Variants in ZNRF2 observed in about 807,000 individuals in gnomAD.
ZNRF2 encodes the protein E3 ubiquitin-protein ligase ZNRF2.
In ZNRF2, 16 loss-of-function variants were observed where a neutral mutation model predicts 20.4. The observed-to-expected ratio is 0.79, with a 90% CI of 0.53 to 1.19. ZNRF2 has a LOEUF of 1.19. ZNRF2 is among the 50% of genes most tolerant of loss of function. The pLI is 0.00. For missense variants in ZNRF2, 363 were observed against 332.4 expected (o/e 1.09, Z -0.72); for synonymous variants, 178 against 144.9 (o/e 1.23, Z -1.64).
rs557172105 is a variant in ZNRF2 at position 30,284,699 on chromosome 7, C to T, written c.-659C>T. ...ATCTGCGCACCCCCCGCCTTCGCGG[C>T]CCAGATCCTCCCGCCAGCCCGGCCC... On this transcript the variant is annotated 5_prime_UTR_variant, in exon 1 of 5. Transcript: ENST00000323037. 5.5e-4 allele frequency: 96 copies of T among 174,436 alleles called. 1 individual carries two copies. Among genetic ancestry groups the T allele is most frequent in the African/African-American group, 2.2e-3 (93 of 41,646 alleles). 10.8% of individuals were successfully genotyped at this position (174,436 alleles called of 1,614,324 possible). A position where few individuals can be genotyped will look rare whatever the true frequency, so the allele number is the denominator to read the frequency against.
intron 1 of ZNRF2, among the ~76,000 whole-genome samples, chr7:30,311,908 T>G (rs1390826406): frequency 6.6e-6 from 1 of 152,160 alleles, no homozygotes; most frequent in East Asian, 1.9e-4. Flanking sequence ...TATTTAGCCT[T>G]CCTTGTTACC....
intron 2 of ZNRF2, among the ~76,000 whole-genome samples, chr7:30,354,905 T>C (rs1445304386): frequency 2.0e-5 from 3 of 152,206 alleles, no homozygotes; most frequent in Non-Finnish European, 2.9e-5. Flanking sequence ...AGCAAACTGC[T>C]TTTAAAAATT....
intron 1 of ZNRF2, among the ~76,000 whole-genome samples, chr7:30,290,686 G>T (rs1271231300): frequency 6.6e-6 from 1 of 152,130 alleles, no homozygotes; most frequent in African/African-American, 2.4e-5. Context: ...ATTATACAAA[G>T]GTTTAAACAC....
At chr7:30,337,217 G>T (rs1012765015) in intron 2 of ZNRF2, among the ~76,000 whole-genome samples, 4 of 152,108 alleles carry the variant, frequency 2.6e-5, no homozygotes, top group African/African-American at 9.7e-5. Context: ...ATGTTATAAA[G>T]TATTCATCTC....
intron 1 of ZNRF2, among the ~76,000 whole-genome samples, chr7:30,319,809 A>G (rs1416650294): frequency 6.6e-6 from 1 of 152,168 alleles, no homozygotes; most frequent in Admixed American, 6.5e-5. Flanking sequence ...CAAGAGCAGA[A>G]TGATCTGGTT....
intron 2 of ZNRF2, among the ~76,000 whole-genome samples, chr7:30,329,650 G>T (rs1799606523): frequency 6.6e-6 from 1 of 152,112 alleles, no homozygotes; most frequent in African/African-American, 2.4e-5. Flanking sequence ...TCATTTGCAT[G>T]GCTGAATAAT....
intron 1 of ZNRF2, among the ~76,000 whole-genome samples, chr7:30,309,049 ATAAAT>A (rs1799251826): frequency 6.6e-6 from 1 of 152,166 alleles, no homozygotes. Context: ...TCCTGTATAA[ATAAAT>A]TCATATATAG....
chr7:30,298,783 C>T (rs532220469), intron 1 of ZNRF2, among the ~76,000 whole-genome samples: 6 of 152,276 alleles, frequency 3.9e-5, no homozygotes, highest in Admixed American at 3.9e-4. Flanking sequence ...CTCACAGCTC[C>T]TTACGCAGAC....
intron 1 of ZNRF2, among the ~76,000 whole-genome samples, chr7:30,307,326 GTTTT>G (rs78007797): frequency 1.2e-4 from 5 of 43,238 alleles, no homozygotes; most frequent in Admixed American, 3.5e-4. Flanking sequence ...GTTTTTTTTT[GTTTT>G]TTTTTTTTTT....
At chr7:30,347,589 T>C (rs541944121) in intron 2 of ZNRF2, among the ~76,000 whole-genome samples, 61 of 152,212 alleles carry the variant, frequency 4.0e-4, no homozygotes, top group Non-Finnish European at 6.9e-4. Context: ...GGTACATGCT[T>C]GTAGTCTCAT....
intron 1 of ZNRF2, among the ~76,000 whole-genome samples, chr7:30,305,575 A>G (rs746297188): frequency 3.3e-5 from 5 of 152,102 alleles, no homozygotes; most frequent in Non-Finnish European, 5.9e-5. Flanking sequence ...CTTGTAAGCC[A>G]TTAGTTTCAT....
intron 1 of ZNRF2, among the ~76,000 whole-genome samples, chr7:30,312,429 A>G (rs762344728): frequency 5.3e-5 from 8 of 152,212 alleles, no homozygotes; most frequent in Non-Finnish European, 1.2e-4. Context: ...GTAGTGAGCC[A>G]TGCTTTAAAA....
At chr7:30,291,354 T>A (rs1414736737) in intron 1 of ZNRF2, among the ~76,000 whole-genome samples, 5 of 152,214 alleles carry the variant, frequency 3.3e-5, no homozygotes, top group African/African-American at 9.6e-5. Flanking sequence ...CACTCGTAGT[T>A]TACATGGATG....
At chr7:30,362,295 A>C in intron 3 of ZNRF2, 82 bp from the exon 4 acceptor site, 1 of 903,026 alleles carries the variant, frequency 1.1e-6, no homozygotes, top group South Asian at 2.3e-5. Flanking sequence ...AATATATTAA[A>C]GTCAAGTATT....
At chr7:30,303,610 C>T (rs997044676) in intron 1 of ZNRF2, among the ~76,000 whole-genome samples, 4 of 152,096 alleles carry the variant, frequency 2.6e-5, no homozygotes, top group African/African-American at 9.7e-5. Flanking sequence ...TAGTGTTTTC[C>T]TACTGGAAAA....
chr7:30,313,571 T>G (rs558841466), intron 1 of ZNRF2, among the ~76,000 whole-genome samples: 4 of 152,284 alleles, frequency 2.6e-5, no homozygotes, highest in African/African-American at 9.6e-5. Flanking sequence ...TTGTCATATT[T>G]ATGAAAACAA....
intron 2 of ZNRF2, among the ~76,000 whole-genome samples, chr7:30,335,702 A>G (rs910717708): frequency 2.0e-5 from 3 of 152,174 alleles, no homozygotes; most frequent in Non-Finnish European, 4.4e-5. Context: ...AGAGAATGCT[A>G]AAGGAAAATT....
intron 1 of ZNRF2, among the ~76,000 whole-genome samples, chr7:30,310,026 G>A (rs1453968505): frequency 2.6e-5 from 4 of 152,152 alleles, no homozygotes; most frequent in African/African-American, 9.7e-5. Flanking sequence ...GAAGGGTGAG[G>A]TCAAGAGCAG....
intron 1 of ZNRF2, among the ~76,000 whole-genome samples, chr7:30,307,255 G>A (rs1583573054): frequency 1.4e-5 from 2 of 140,206 alleles, no homozygotes; most frequent in African/African-American, 5.3e-5. Flanking sequence ...TCCATTGTTT[G>A]TGTGTTTCAT....
Sources: gnomAD v4.1 joint callset for allele counts (sites outside exome capture counted in the v4.1 genomes callset) on GRCh38, gnomAD v4.1.1 for gene constraint, MANE v1.5 for transcripts, NCBI Gene and HGNC (gene_info 2026-07-23, HGNC 2026-07-21) for gene names.